Variants in PTPRD observed in about 807,000 individuals in gnomAD.
The protein encoded by PTPRD is protein tyrosine phosphatase receptor type D.
In PTPRD, 34 loss-of-function variants were observed where a neutral mutation model predicts 214.5. That is an observed-to-expected ratio of 0.16 (90% CI 0.12 to 0.21). The LOEUF (loss-of-function observed/expected upper bound fraction) is 0.21. PTPRD is among the 10% of genes least tolerant of loss of function. The pLI, the probability that PTPRD is intolerant of heterozygous loss-of-function variation, is 1.00. For synonymous variants in PTPRD, 1,128 were observed against 845.7 expected (o/e 1.33, Z -5.79); for missense variants, 2,545 against 2,398.7 (o/e 1.06, Z -1.27).
chr9:10,290,508 C>G (rs1008432859), intron 3 of PTPRD, among the ~76,000 whole-genome samples: 2 of 152,146 alleles, frequency 1.3e-5, no homozygotes, highest in African/African-American at 2.4e-5. Flanking sequence ...GAAAGCTTCT[C>G]TTTTACTTTC....
intron 2 of PTPRD, among the ~76,000 whole-genome samples, chr9:10,366,558 G>C (rs2097521299): frequency 2.0e-5 from 3 of 152,100 alleles, no homozygotes; most frequent in Admixed American, 2.0e-4. Context: ...AGACTAAATA[G>C]AACTTTTACT....
intron 11 of PTPRD, among the ~76,000 whole-genome samples, chr9:8,854,343 G>A (rs1052710952): frequency 1.3e-5 from 2 of 152,086 alleles, no homozygotes; most frequent in South Asian, 2.1e-4. Flanking sequence ...AACTAAGGAA[G>A]GATAGTTTTA....
At chr9:10,493,242 A>T (rs2040941116) in intron 2 of PTPRD, among the ~76,000 whole-genome samples, 1 of 152,150 alleles carries the variant, frequency 6.6e-6, no homozygotes, top group African/African-American at 2.4e-5. Context: ...GAATTAGAAA[A>T]AACTACACTA....
At chr9:9,502,088 A>G (rs2096435665) in intron 8 of PTPRD, among the ~76,000 whole-genome samples, 1 of 151,922 alleles carries the variant, frequency 6.6e-6, no homozygotes, top group African/African-American at 2.4e-5. Flanking sequence ...CACCTCCTAA[A>G]GGTTCCGCTT....
intron 2 of PTPRD, among the ~76,000 whole-genome samples, chr9:10,554,426 A>T (rs1566906462): frequency 6.6e-6 from 1 of 152,120 alleles, no homozygotes; most frequent in South Asian, 2.1e-4. Context: ...AAACATACTT[A>T]GAAACTTTCA....
At chr9:9,061,652 A>G (rs987665494) in intron 10 of PTPRD, among the ~76,000 whole-genome samples, 1 of 152,198 alleles carries the variant, frequency 6.6e-6, no homozygotes, top group Non-Finnish European at 1.5e-5. Context: ...GCCAGACTCC[A>G]TTAAAAATAT....
intron 10 of PTPRD, among the ~76,000 whole-genome samples, chr9:9,132,127 C>T (rs2099843744): frequency 6.6e-6 from 1 of 152,146 alleles, no homozygotes; most frequent in Admixed American, 6.5e-5. Flanking sequence ...CCTGCCTCAG[C>T]CTCCCGAGTA....
chr9:9,015,261 G>T (rs562778023), intron 11 of PTPRD, among the ~76,000 whole-genome samples: 1 of 152,090 alleles, frequency 6.6e-6, no homozygotes, highest in African/African-American at 2.4e-5. Context: ...TAAGTCACAG[G>T]ATGAGATAGG....
intron 3 of PTPRD, among the ~76,000 whole-genome samples, chr9:10,193,531 C>G (rs940101935): frequency 1.3e-5 from 2 of 152,046 alleles, no homozygotes; most frequent in African/African-American, 4.8e-5. Context: ...GGAACCAACA[C>G]CTTTGAGTAT....
intron 2 of PTPRD, among the ~76,000 whole-genome samples, chr9:10,587,470 A>G (rs965222755): frequency 1.3e-5 from 2 of 152,126 alleles, no homozygotes; most frequent in Admixed American, 6.6e-5. Flanking sequence ...AATAATAAAA[A>G]TAATGGCAAT....
chr9:10,410,355 A>G (rs910689211), intron 2 of PTPRD, among the ~76,000 whole-genome samples: 3 of 149,542 alleles, frequency 2.0e-5, no homozygotes, highest in African/African-American at 7.3e-5. Context: ...CTCTCTCTGC[A>G]TCTCTATCTT....
rs41273907 is a variant in PTPRD at position 9,397,510 on chromosome 9, T to C, written c.-236-28A>G. 7.9e-3 allele frequency: 1,210 copies of C among 152,538 alleles called. 4 individuals are homozygous for C. The highest frequency in any genetic ancestry group is 0.012 in the Non-Finnish European group (807 of 67,944). The allele number at this position is 152,538 out of a possible 1,614,324, so 9.4% of individuals were successfully genotyped here. On this transcript the variant is annotated intron_variant, in intron 8 of 45. Transcript: ENST00000381196. Reference sequence around the variant, plus strand: ...GAAACAACAAAAATGTATTTTGATATTGTGATCATAAAAACTACCAAAACC... The same window carrying C: ...GAAACAACAAAAATGTATTTTGATACTGTGATCATAAAAACTACCAAAACC...
intron 9 of PTPRD, among the ~76,000 whole-genome samples, chr9:9,239,898 C>G (rs1185401631): frequency 6.6e-6 from 1 of 152,116 alleles, no homozygotes; most frequent in Non-Finnish European, 1.5e-5. Context: ...ACACTGGGCA[C>G]CATCTGATTG....
chr9:8,732,199 C>A (rs1287086003), intron 12 of PTPRD, among the ~76,000 whole-genome samples: 1 of 152,172 alleles, frequency 6.6e-6, no homozygotes, highest in Non-Finnish European at 1.5e-5. Flanking sequence ...CATCTGTCTG[C>A]CACTTTTCAC....
chr9:9,091,089 T>A, intron 10 of PTPRD: 1 of 1,427,052 alleles, frequency 7.0e-7, no homozygotes, highest in Non-Finnish European at 9.8e-7. Context: ...CCTATGTGCT[T>A]CCCAAGCTGT....
chr9:8,331,876 ACTTAGTTATGGT>A (rs1841593987), intron 43 of PTPRD, 140 bp from the exon 44 acceptor site: 3 of 983,944 alleles, frequency 3.0e-6, no homozygotes, highest in Non-Finnish European at 4.3e-6. Flanking sequence ...TTAAATAGAA[ACTTAGTTATGGT>A]TTATCTGCTA....
rs556669194 is a variant in PTPRD, at chr9:10,181,836, G to A, written c.-544-148046C>T. Among the ~76,000 whole-genome samples, 61 of 148,008 alleles carry A rather than the reference G, an allele frequency of 4.1e-4. No homozygotes were observed. The South Asian group carries it at 0.013, about 31-fold the overall frequency. The stretch of plus-strand genomic sequence containing the variant: ...CTTCAAATGGATAAAATACTAAAAT[G>A]GGAAAGAAAAATCTACATTGACAAC... On this transcript the variant is annotated intron_variant, in intron 3 of 45. Coordinates refer to ENST00000381196, the MANE Select transcript of PTPRD (RefSeq NM_002839.4).
At chr9:8,977,418 A>G (rs1286651387) in intron 11 of PTPRD, among the ~76,000 whole-genome samples, 2 of 152,060 alleles carry the variant, frequency 1.3e-5, no homozygotes, top group African/African-American at 4.8e-5. Context: ...ATCTTGTTCT[A>G]GCTCTCTTCA....
At chr9:9,947,344 AT>A (rs1235621759) in intron 4 of PTPRD, among the ~76,000 whole-genome samples, 1,396 of 57,820 alleles carry the variant, frequency 0.024, 73 homozygotes, top group Admixed American at 0.036. Flanking sequence ...TATTATATAT[AT>A]AATATATATT....
Sources: allele counts gnomAD v4.1 joint callset (sites outside exome capture counted in the v4.1 genomes callset), GRCh38; gene constraint gnomAD v4.1.1; transcripts MANE v1.5; gene names NCBI Gene and HGNC (gene_info 2026-07-23, HGNC 2026-07-21).